The following GASK1A variants were observed in gnomAD, a reference collection of about 807,000 sequenced individuals.
GASK1A encodes the protein golgi associated kinase 1A.
In GASK1A, 40 loss-of-function variants were observed where a neutral mutation model predicts 41.2. That is an observed-to-expected ratio of 0.97 (90% CI 0.75 to 1.27). The LOEUF (loss-of-function observed/expected upper bound fraction) is 1.27, where lower values mean the gene tolerates loss of function less well. Ranked by LOEUF, GASK1A falls within the 50% of genes most tolerant of loss-of-function variation. The pLI is 0.00. For synonymous variants in GASK1A, 316 were observed against 307.1 expected (o/e 1.03, Z -0.30); for missense variants, 678 against 745.1 (o/e 0.91, Z 1.05).
chr3:43,026,951 C>T (rs1256575695), intron 1 of GASK1A, among the ~76,000 whole-genome samples: 1 of 152,172 alleles, frequency 6.6e-6, no homozygotes, highest in Non-Finnish European at 1.5e-5. Flanking sequence ...AAACAGTCAA[C>T]ACTGATAGAT....
chr3:42,993,170 A>AGCACTAGGTTAAAGGGGAGCACTAGG (rs2089350747), intron 1 of GASK1A, among the ~76,000 whole-genome samples: 1 of 152,206 alleles, frequency 6.6e-6, no homozygotes, highest in Admixed American at 6.5e-5. Flanking sequence ...AACACATGGA[A>AGCACTAGGTTAAAGGGGAGCACTAGG]TTCAGGGGAG....
At chr3:43,046,123 C>A (rs180707672) in intron 2 of GASK1A, among the ~76,000 whole-genome samples, 3 of 152,270 alleles carry the variant, frequency 2.0e-5, no homozygotes, top group Non-Finnish European at 4.4e-5. Context: ...GACTTTGGAA[C>A]TGGGAAACAG....
Position 43,032,967 on chromosome 3 carries a change from A to G in GASK1A, c.704A>G (p.Lys235Arg). 1.9e-6 allele frequency: 3 copies of G among 1,550,896 alleles called. No individual in the cohort carries two copies. Among genetic ancestry groups the G allele is most frequent in the Non-Finnish European group, 2.6e-6 (3 of 1,146,490 alleles). ...CATCAGTGGCCTGGCTCTGTTGAGA[A>G]GCTGCAAGGGTCAGTATGGTGTGAT... ...GAHQWPGSVE[K>R]LQGSVWCDAE... Residue 235 changes from lysine to arginine, a missense_variant, in exon 2 of 5, where the codon AAG (lysine) becomes AGG (arginine). Coordinates refer to ENST00000430121, the MANE Select transcript of GASK1A (RefSeq NM_001129908.3).
intron 1 of GASK1A, among the ~76,000 whole-genome samples, chr3:43,020,990 A>G (rs1361797813): frequency 6.6e-6 from 1 of 152,216 alleles, no homozygotes; most frequent in Non-Finnish European, 1.5e-5. Flanking sequence ...AAATAATGCT[A>G]TTAAGGACAC....
chr3:43,033,095 G>T lies in GASK1A; in HGVS notation c.832G>T (p.Val278Leu). Reference protein sequence around the residue: ...MLRLLAQGEVVDKARVPAHGQ... With the variant: ...MLRLLAQGEVLDKARVPAHGQ... ...CCGTCTGTTGGCACAGGGGGAGGTG[G>T]TGGACAAAGCCAGGGTCCCCGCCCA... Residue 278 changes from valine to leucine, a missense_variant, in exon 2 of 5, where the codon GTG becomes TTG. Physicochemically the swap from Val to Leu is conservative, Grantham distance 32 (BLOSUM62 1). Coordinates refer to ENST00000430121, the MANE Select transcript of GASK1A (RefSeq NM_001129908.3). 6.4e-7 allele frequency: 1 copy of T among 1,551,760 alleles called. No individual in the cohort carries two copies. Among genetic ancestry groups the T allele is most frequent in the Non-Finnish European group, 8.7e-7 (1 of 1,146,998 alleles).
At chr3:43,018,127 A>T (rs1021846689) in intron 1 of GASK1A, among the ~76,000 whole-genome samples, 3 of 152,182 alleles carry the variant, frequency 2.0e-5, no homozygotes, top group African/African-American at 7.2e-5. Flanking sequence ...AAAATCCCAG[A>T]TTTCTTCCCC....
intron 1 of GASK1A, among the ~76,000 whole-genome samples, chr3:42,980,040 G>A (rs2089274795): frequency 6.6e-6 from 1 of 152,118 alleles, no homozygotes. Flanking sequence ...AAGTTCATGT[G>A]AATTTTATAC....
At chr3:43,006,365 C>G (rs773012949) in intron 1 of GASK1A, among the ~76,000 whole-genome samples, 7 of 152,186 alleles carry the variant, frequency 4.6e-5, no homozygotes, top group Non-Finnish European at 7.3e-5. Context: ...TAACCAATAG[C>G]TTGTTAAAAG....
chr3:43,019,209 T>C (rs553181418), intron 1 of GASK1A, among the ~76,000 whole-genome samples: 5 of 152,338 alleles, frequency 3.3e-5, no homozygotes, highest in East Asian at 3.9e-4. Context: ...AAAAGTCCGC[T>C]CTTGTCTTGA....
chr3:43,053,529 C>T lies in GASK1A; in HGVS notation c.1299C>T (p.Asp433=). ...GCTGGGTGTCTCCACAGGTCCACGA[C>T]CGCTTGGATCGCTACTGCTGTGGCT... The part of the protein sequence containing the change: ...ALFDFLLQVH[D]RLDRYCCGFE... Residue 433 remains aspartate, a synonymous_variant, in exon 3 of 5, where the codon GAC becomes GAT. Transcript: ENST00000430121. 6.5e-7 allele frequency: 1 copy of T among 1,548,024 alleles called. No individual in the cohort carries two copies. Among genetic ancestry groups the T allele is most frequent in the Non-Finnish European group, 8.7e-7 (1 of 1,144,408 alleles).
intron 2 of GASK1A, among the ~76,000 whole-genome samples, chr3:43,039,204 G>GTTTTT (rs548862246): frequency 1.5e-5 from 2 of 136,550 alleles, no homozygotes; most frequent in African/African-American, 2.7e-5. Flanking sequence ...TTTTTTTTTT[G>GTTTTT]GTTTTTTTTT....
chr3:43,034,517 A>G (rs1169466091), intron 2 of GASK1A, among the ~76,000 whole-genome samples: 1 of 152,212 alleles, frequency 6.6e-6, no homozygotes, highest in East Asian at 1.9e-4. Flanking sequence ...ACAAAGACAA[A>G]AAACAGATAA....
intron 2 of GASK1A, among the ~76,000 whole-genome samples, chr3:43,042,294 C>A (rs1286830775): frequency 3.3e-5 from 4 of 121,876 alleles, no homozygotes; most frequent in East Asian, 2.5e-4. Context: ...TATAGGGAAA[C>A]CTTGTCCCTA....
At chr3:42,982,486 G>A (rs2125671326) in intron 1 of GASK1A, among the ~76,000 whole-genome samples, 1 of 152,236 alleles carries the variant, frequency 6.6e-6, no homozygotes, top group African/African-American at 2.4e-5. Context: ...AGTCTGATTT[G>A]TTTTACTTCA....
At chr3:42,988,686 G>A (rs1308816278) in intron 1 of GASK1A, among the ~76,000 whole-genome samples, 1 of 152,200 alleles carries the variant, frequency 6.6e-6, no homozygotes, top group African/African-American at 2.4e-5. Context: ...GGCTGCATGG[G>A]GCACACTCTT....
intron 1 of GASK1A, among the ~76,000 whole-genome samples, chr3:42,981,644 A>C (rs1162444063): frequency 6.6e-6 from 1 of 152,158 alleles, no homozygotes; most frequent in Non-Finnish European, 1.5e-5. Context: ...AGGCTCTGCA[A>C]GTGAGCCCAG....
Position 42,997,439 on chromosome 3 carries a change from G to GC in GASK1A, c.3+17794_3+17795insC, listed in dbSNP as rs1491304956. ...ACGCATGAGAGAGAGACAGAGAGAG[G>GC]GGGGGGGGATCTGGGATCCTTAGAA... On this transcript the variant is annotated intron_variant, in intron 1 of 4. Transcript: ENST00000430121. Among the ~76,000 whole-genome samples, 16 of 128,300 alleles carry GC rather than the reference G, an allele frequency of 1.2e-4. No individual in the cohort carries two copies. In the South Asian group the frequency reaches 1.4e-3, roughly 11 times the overall value. 84.2% of individuals were successfully genotyped at this position (128,300 alleles called of 152,430 possible).
intron 2 of GASK1A, among the ~76,000 whole-genome samples, chr3:43,048,043 G>C (rs970721338): frequency 1.3e-5 from 2 of 152,178 alleles, no homozygotes; most frequent in African/African-American, 4.8e-5. Flanking sequence ...GATTCAATGG[G>C]TTGCAATGAA....
At chr3:43,039,193 T>G (rs546494504) in intron 2 of GASK1A, among the ~76,000 whole-genome samples, 1,585 of 64,206 alleles carry the variant, frequency 0.025, 29 homozygotes, top group African/African-American at 0.063. Flanking sequence ...CACCAGGTAG[T>G]TTTTTTTTTT....
Sources: allele counts gnomAD v4.1 joint callset (sites outside exome capture counted in the v4.1 genomes callset), GRCh38; gene constraint gnomAD v4.1.1; transcripts MANE v1.5; gene names NCBI Gene and HGNC (gene_info 2026-07-23, HGNC 2026-07-21).